Variants in HSD17B12 observed in about 807,000 individuals in gnomAD.
HSD17B12 encodes very-long-chain 3-oxoacyl-CoA reductase.
A neutral mutation model predicts 39.3 loss-of-function variants in HSD17B12; 32 were observed. That is an observed-to-expected ratio of 0.81 (90% CI 0.61 to 1.09). HSD17B12 has a LOEUF of 1.09. Among genes scored for constraint, HSD17B12 ranks in the 50% least tolerant of loss-of-function variants. The probability of loss-of-function intolerance (pLI) is 0.00; values close to 1 mark genes in which losing one functional copy is unlikely to be tolerated. For missense variants in HSD17B12, 342 were observed against 382.9 expected, an observed-to-expected ratio of 0.89 and a Z score of 0.89; for synonymous variants, 150 against 146.7, an observed-to-expected ratio of 1.02 and a Z score of -0.16.
the HSD17B12 span, among the ~76,000 whole-genome samples, chr11:43,638,904 G>A: frequency 6.6e-6 from 1 of 152,096 alleles, no homozygotes; most frequent in Admixed American, 6.5e-5. Context: ...GGTTGGGTTG[G>A]AGGGAGTCTT....
the HSD17B12 span, among the ~76,000 whole-genome samples, chr11:43,566,121 C>T: frequency 5.3e-5 from 8 of 152,188 alleles, no homozygotes; most frequent in Non-Finnish European, 7.3e-5. Context: ...AGTTTTTCAA[C>T]TTGAATGTAG....
At chr11:43,586,840 T>G in the HSD17B12 span, among the ~76,000 whole-genome samples, 1 of 152,184 alleles carries the variant, frequency 6.6e-6, no homozygotes, top group African/African-American at 2.4e-5. Context: ...CACAAATAAA[T>G]TATTCTGGTG....
At chr11:43,804,651 A>G (rs566111283) in intron 4 of HSD17B12, among the ~76,000 whole-genome samples, 16 of 152,282 alleles carry the variant, frequency 1.1e-4, no homozygotes, top group African/African-American at 3.8e-4. Flanking sequence ...CACTTTCCTC[A>G]TTAAACCTTA....
intron 7 of HSD17B12, chr11:43,833,482 C>T (rs1437177218): frequency 6.6e-6 from 1 of 152,120 alleles, no homozygotes; most frequent in Non-Finnish European, 1.5e-5. Flanking sequence ...TCACTTCTGC[C>T]CACATTTCAT....
intron 1 of HSD17B12, among the ~76,000 whole-genome samples, chr11:43,742,139 A>ATATATATATATTTT (rs61178234): frequency 2.4e-5 from 3 of 123,508 alleles, no homozygotes; most frequent in Non-Finnish European, 3.3e-5. Flanking sequence ...ATATATATAT[A>ATATATATATATTTT]TTTTTTTTTT....
the HSD17B12 span, among the ~76,000 whole-genome samples, chr11:43,638,122 G>T: frequency 6.6e-6 from 1 of 152,124 alleles, no homozygotes; most frequent in Non-Finnish European, 1.5e-5. Flanking sequence ...CCAAATTCGG[G>T]TGCTTATATG....
chr11:43,623,233 A>C, the HSD17B12 span, among the ~76,000 whole-genome samples: 1 of 152,152 alleles, frequency 6.6e-6, no homozygotes, highest in Non-Finnish European at 1.5e-5. Context: ...AAAATGCAGG[A>C]TTCCATGAAA....
chr11:43,574,788 G>A, the HSD17B12 span, among the ~76,000 whole-genome samples: 3 of 152,184 alleles, frequency 2.0e-5, no homozygotes, highest in East Asian at 3.8e-4. Flanking sequence ...GTCTTTGAGA[G>A]GGAGAAAGGG....
intron 6 of HSD17B12, among the ~76,000 whole-genome samples, chr11:43,827,461 CTG>C (rs1439300145): frequency 5.3e-5 from 8 of 152,158 alleles, no homozygotes; most frequent in African/African-American, 1.9e-4. Flanking sequence ...CTTCTACAAA[CTG>C]TTGATTACTG....
chr11:43,654,302 G>T, the HSD17B12 span, among the ~76,000 whole-genome samples: 2 of 152,154 alleles, frequency 1.3e-5, no homozygotes, highest in Admixed American at 1.3e-4. Flanking sequence ...TTAGCCCTTT[G>T]TCAGATGAGT....
At chr11:43,647,307 A>T in the HSD17B12 span, among the ~76,000 whole-genome samples, 6 of 152,048 alleles carry the variant, frequency 3.9e-5, no homozygotes, top group South Asian at 8.3e-4. Context: ...ACAGGGTCTT[A>T]CTCTGTCACC....
intron 1 of HSD17B12, among the ~76,000 whole-genome samples, chr11:43,690,388 ATATATATATATATATATT>A (rs1407560481): frequency 8.5e-5 from 1 of 11,784 alleles, no homozygotes; most frequent in African/African-American, 5.4e-4. Flanking sequence ...ATATATATAT[ATATATATATATATATATT>A]TTTTTTTTTT....
At chr11:43,625,543 C>A in the HSD17B12 span, among the ~76,000 whole-genome samples, 1 of 151,222 alleles carries the variant, frequency 6.6e-6, no homozygotes, top group Non-Finnish European at 1.5e-5. Context: ...TTTAAAGAAT[C>A]ATATATAATA....
chr11:43,678,425 C>G (rs1367716871), upstream of HSD17B12, among the ~76,000 whole-genome samples: 1 of 152,154 alleles, frequency 6.6e-6, no homozygotes, highest in Non-Finnish European at 1.5e-5. Context: ...TGTGCAGAAG[C>G]TCTTTAGTTT....
At chr11:43,690,846 G>A (rs1427739663) in intron 1 of HSD17B12, among the ~76,000 whole-genome samples, 1 of 152,014 alleles carries the variant, frequency 6.6e-6, no homozygotes, top group Non-Finnish European at 1.5e-5. Flanking sequence ...CTGATTAAAT[G>A]GGGCTAACTG....
intron 1 of HSD17B12, among the ~76,000 whole-genome samples, chr11:43,714,846 T>C (rs893529378): frequency 1.3e-5 from 2 of 152,182 alleles, no homozygotes; most frequent in Admixed American, 6.5e-5. Context: ...TCACATCCCT[T>C]GTAAGTTGGA....
At chr11:43,816,526 T>C in intron 6 of HSD17B12, 135 bp downstream of exon 6, 2 of 590,288 alleles carry the variant, frequency 3.4e-6, no homozygotes, top group Non-Finnish European at 5.0e-6. Context: ...AAGTGGTCTA[T>C]TAACTTATTT....
the HSD17B12 span, among the ~76,000 whole-genome samples, chr11:43,593,893 C>T: frequency 2.8e-4 from 42 of 152,234 alleles, no homozygotes; most frequent in African/African-American, 1.0e-3. Context: ...ACATGAATTT[C>T]TGTGCCACTC....
chr11:43,612,659 G>A, the HSD17B12 span, among the ~76,000 whole-genome samples: 145 of 152,316 alleles, frequency 9.5e-4, no homozygotes, highest in Non-Finnish European at 1.6e-3. Context: ...ACCCACCTCG[G>A]CCTCCCAAAG....
Sources: gnomAD v4.1 joint callset for allele counts (sites outside exome capture counted in the v4.1 genomes callset) on GRCh38, gnomAD v4.1.1 for gene constraint, MANE v1.5 for transcripts, NCBI Gene and HGNC (gene_info 2026-07-23, HGNC 2026-07-21) for gene names.